Variants in MAF observed in about 807,000 individuals in gnomAD.
MAF encodes transcription factor Maf.
In MAF, 10 loss-of-function variants were observed where a neutral mutation model predicts 22.0. The ratio of observed to expected loss-of-function variants is 0.45; its 90% CI spans 0.28 to 0.77. The LOEUF is 0.77. MAF is among the 30% of genes least tolerant of loss of function. The pLI is 0.12. For missense variants in MAF, 544 were observed against 548.4 expected (o/e 0.99, Z 0.08); for synonymous variants, 337 against 255.8 (o/e 1.32, Z -3.03).
the MAF span, among the ~76,000 whole-genome samples, chr16:79,371,129 ATTT>A: frequency 0.3 from 45,014 of 148,488 alleles, 7,885 homozygotes; most frequent in Non-Finnish European, 0.42. Flanking sequence ...ATTCATTCAC[ATTT>A]TTTTTTTTTT....
At chr16:79,545,165 C>T in the MAF span, among the ~76,000 whole-genome samples, 2 of 152,072 alleles carry the variant, frequency 1.3e-5, no homozygotes, top group Admixed American at 6.6e-5. Context: ...TAAATTATAT[C>T]CTTAAATAAT....
At chr16:79,235,252 T>C in the MAF span, among the ~76,000 whole-genome samples, 1 of 151,918 alleles carries the variant, frequency 6.6e-6, no homozygotes, top group South Asian at 2.1e-4. Context: ...TAGAGGATGT[T>C]TGGCACACGG....
the MAF span, among the ~76,000 whole-genome samples, chr16:79,493,238 A>G: frequency 6.6e-6 from 1 of 151,914 alleles, no homozygotes; most frequent in South Asian, 2.1e-4. Flanking sequence ...GCTGGAGGAC[A>G]GTGGCATGAT....
chr16:79,322,174 A>T, the MAF span, among the ~76,000 whole-genome samples: 1 of 152,172 alleles, frequency 6.6e-6, no homozygotes, highest in Non-Finnish European at 1.5e-5. Context: ...CGGAGGTTGC[A>T]TTGAGCCAAG....
At chr16:79,542,516 C>T in the MAF span, among the ~76,000 whole-genome samples, 3 of 152,184 alleles carry the variant, frequency 2.0e-5, no homozygotes, top group African/African-American at 4.8e-5. Context: ...CCCCAGACAT[C>T]TCTGAGGCCC....
chr16:79,565,443 G>C, the MAF span, among the ~76,000 whole-genome samples: 1 of 152,036 alleles, frequency 6.6e-6, no homozygotes, highest in South Asian at 2.1e-4. Context: ...CAGTGATATG[G>C]TTTCGCTGTG....
the MAF span, among the ~76,000 whole-genome samples, chr16:79,579,071 T>C: frequency 6.6e-6 from 1 of 152,282 alleles, no homozygotes; most frequent in Non-Finnish European, 1.5e-5. Context: ...CATTTCTTTC[T>C]AAATGAGCTT....
chr16:79,392,143 G>C, the MAF span, among the ~76,000 whole-genome samples: 1 of 149,562 alleles, frequency 6.7e-6, no homozygotes, highest in Non-Finnish European at 1.5e-5. Flanking sequence ...AACTGGGGAG[G>C]GGGAGAGAGA....
chr16:79,544,926 G>C, the MAF span, among the ~76,000 whole-genome samples: 1 of 152,156 alleles, frequency 6.6e-6, no homozygotes, highest in African/African-American at 2.4e-5. Flanking sequence ...CTGATCCTTA[G>C]ACAGGACTTT....
the MAF span, among the ~76,000 whole-genome samples, chr16:79,386,583 C>A: frequency 6.6e-6 from 1 of 152,172 alleles, no homozygotes; most frequent in Non-Finnish European, 1.5e-5. Context: ...CATACCAGCC[C>A]ATGGCCCGGT....
the MAF span, chr16:79,203,685 A>C: frequency 6.6e-6 from 1 of 152,166 alleles, no homozygotes; most frequent in African/African-American, 2.4e-5. Context: ...TTGCAGGCAG[A>C]CTTCGTAGAG....
the MAF span, among the ~76,000 whole-genome samples, chr16:79,328,063 G>A: frequency 6.6e-6 from 1 of 152,204 alleles, no homozygotes; most frequent in African/African-American, 2.4e-5. Flanking sequence ...CCTGTGAGTT[G>A]TAAGGATTAA....
the MAF span, among the ~76,000 whole-genome samples, chr16:79,432,455 TAAC>T: frequency 6.6e-6 from 1 of 152,184 alleles, no homozygotes; most frequent in Non-Finnish European, 1.5e-5. Context: ...AGAAGTAGAT[TAAC>T]AACATTAATT....
At chr16:79,533,157 C>G in the MAF span, among the ~76,000 whole-genome samples, 1 of 152,174 alleles carries the variant, frequency 6.6e-6, no homozygotes, top group African/African-American at 2.4e-5. Context: ...GGATCAAGAA[C>G]ATTAGCCAAG....
At chr16:79,244,856 T>G in the MAF span, among the ~76,000 whole-genome samples, 1 of 152,008 alleles carries the variant, frequency 6.6e-6, no homozygotes, top group Non-Finnish European at 1.5e-5. Flanking sequence ...CTGGTACTGG[T>G]ACCAAAACAG....
the MAF span, among the ~76,000 whole-genome samples, chr16:79,269,945 G>A: frequency 1.3e-5 from 2 of 152,180 alleles, no homozygotes; most frequent in Non-Finnish European, 2.9e-5. Context: ...CTATGGAGAC[G>A]AACCTGGTCC....
At chr16:79,361,519 G>C in the MAF span, among the ~76,000 whole-genome samples, 104 of 152,156 alleles carry the variant, frequency 6.8e-4, no homozygotes, top group East Asian at 3.9e-3. Flanking sequence ...ATTGAATGAC[G>C]GATCTCTATC....
At chr16:79,262,652 G>A in the MAF span, among the ~76,000 whole-genome samples, 7 of 152,102 alleles carry the variant, frequency 4.6e-5, no homozygotes, top group Admixed American at 3.9e-4. Flanking sequence ...TGGGCTGCTG[G>A]GCCCTTACAG....
chr16:79,599,276 C>G lies in MAF; in HGVS notation c.627G>C (p.Ser209=), dbSNP rs990107543. The change falls in exon 1 of 2, where the codon TCG becomes TCC. Residue 209 remains serine (S), a synonymous_variant. Transcript: ENST00000326043. Reference sequence around the variant, plus strand: ...CGCCCGCGCCCCCAGCGCCACCGGCCGAGGCGGCCGCGCTGCCCGCGGCGC... The same window carrying G: ...CGCCCGCGCCCCCAGCGCCACCGGCGGAGGCGGCCGCGCTGCCCGCGGCGC... ...APGAAGSAAA[S]AGGAGGAGGG... is the part of the protein sequence containing the mutation. 7.8e-5 allele frequency: 76 copies of G among 978,614 alleles called. No homozygotes were observed. Among genetic ancestry groups the G allele is most frequent in the Non-Finnish European group, 8.8e-5 (73 of 827,422 alleles). The allele number at this position is 978,614 out of a possible 1,614,324, so 60.6% of individuals were successfully genotyped here. A position where few individuals can be genotyped will look rare whatever the true frequency, so the allele number is the denominator to read the frequency against.
Sources: allele counts gnomAD v4.1 joint callset (sites outside exome capture counted in the v4.1 genomes callset), GRCh38; gene constraint gnomAD v4.1.1; transcripts MANE v1.5; gene names NCBI Gene and HGNC (gene_info 2026-07-23, HGNC 2026-07-21).